The following ARHGAP25 variants were observed in gnomAD, a reference collection of about 807,000 sequenced individuals.
The protein encoded by ARHGAP25 is Rho GTPase activating protein 25, also known as rho GTPase-activating protein 25.
A neutral mutation model predicts 71.0 loss-of-function variants in ARHGAP25; 34 were observed. That is an observed-to-expected ratio of 0.48 (90% CI 0.36 to 0.64). ARHGAP25 has a LOEUF of 0.64. Ranked by LOEUF, ARHGAP25 falls within the 30% of genes least tolerant of loss-of-function variation. ARHGAP25 has a pLI of 0.00. For synonymous variants in ARHGAP25, 282 were observed against 296.5 expected, an observed-to-expected ratio of 0.95 and a Z score of 0.50; for missense variants, 706 against 805.1, an observed-to-expected ratio of 0.88 and a Z score of 1.49.
chr2:68,761,168 G>A (rs1676792669), intron 1 of ARHGAP25, among the ~76,000 whole-genome samples: 1 of 151,956 alleles, frequency 6.6e-6, no homozygotes, highest in East Asian at 1.9e-4. Flanking sequence ...ATGATGCTAG[G>A]AAAACTGGAT....
At chr2:68,737,910 G>A (rs765541418) in intron 1 of ARHGAP25, among the ~76,000 whole-genome samples, 2 of 152,126 alleles carry the variant, frequency 1.3e-5, no homozygotes, top group African/African-American at 4.8e-5. Context: ...CGAGGGGAGG[G>A]ACTCTCCACT....
intron 1 of ARHGAP25, among the ~76,000 whole-genome samples, chr2:68,753,801 T>C (rs542060533): frequency 2.0e-5 from 3 of 152,294 alleles, no homozygotes; most frequent in Non-Finnish European, 2.9e-5. Context: ...GTGGAAACAT[T>C]TGAAGGTCAG....
intron 1 of ARHGAP25, among the ~76,000 whole-genome samples, chr2:68,757,236 G>T (rs755831257): frequency 6.6e-6 from 1 of 151,998 alleles, no homozygotes; most frequent in Admixed American, 6.6e-5. Flanking sequence ...AGAGAGAAGG[G>T]TGCAGAGAGA....
chr2:68,818,052 C>G, intron 8 of ARHGAP25, 58 bp downstream of exon 8: 15 of 1,600,858 alleles, frequency 9.4e-6, no homozygotes, highest in Admixed American at 1.7e-5. Context: ...ACAACATTCC[C>G]CCTGATATTT....
intron 2 of ARHGAP25, among the ~76,000 whole-genome samples, chr2:68,778,104 G>A (rs570536074): frequency 6.6e-6 from 1 of 152,206 alleles, no homozygotes; most frequent in Non-Finnish European, 1.5e-5. Context: ...AATTTGGGCT[G>A]ATGTTTATAC....
intron 4 of ARHGAP25, among the ~76,000 whole-genome samples, 197 bp from the exon 5 acceptor site, chr2:68,807,076 A>C (rs1379072138): frequency 6.6e-6 from 1 of 152,224 alleles, no homozygotes; most frequent in Non-Finnish European, 1.5e-5. Flanking sequence ...CAATATAAAA[A>C]GACTGATAAA....
chr2:68,746,076 G>T (rs1675793319), intron 1 of ARHGAP25, among the ~76,000 whole-genome samples: 1 of 152,174 alleles, frequency 6.6e-6, no homozygotes, highest in Non-Finnish European at 1.5e-5. Context: ...GTTTCAACAT[G>T]AATTTTGGAG....
chr2:68,783,437 C>T (rs1300950866), intron 3 of ARHGAP25, among the ~76,000 whole-genome samples: 17 of 151,356 alleles, frequency 1.1e-4, no homozygotes, highest in Admixed American at 1.1e-3. Context: ...TAGATGCTTG[C>T]TTGTTTGTTT....
At chr2:68,805,992 T>C (rs996865916) in intron 4 of ARHGAP25, among the ~76,000 whole-genome samples, 3 of 152,200 alleles carry the variant, frequency 2.0e-5, no homozygotes, top group Admixed American at 2.0e-4. Flanking sequence ...TGTAAATTTG[T>C]CTTCTCACAC....
intron 7 of ARHGAP25, chr2:68,816,594 G>C: frequency 1.9e-6 from 1 of 518,318 alleles, no homozygotes; most frequent in Non-Finnish European, 3.5e-6. Flanking sequence ...CCTCAGCACT[G>C]CCCAGAGTCC....
At chr2:68,818,144 C>A in intron 8 of ARHGAP25, 150 bp downstream of exon 8, 1 of 1,127,644 alleles carries the variant, frequency 8.9e-7, no homozygotes, top group Non-Finnish European at 1.3e-6. Context: ...GTGAGGTAGG[C>A]AGGGCAGGAA....
At chr2:68,786,054 C>T (rs1048414157) in intron 3 of ARHGAP25, among the ~76,000 whole-genome samples, 8 of 152,296 alleles carry the variant, frequency 5.3e-5, no homozygotes, top group Non-Finnish European at 1.2e-4. Context: ...TATCATCAAG[C>T]TTCACATTAT....
chr2:68,732,465 C>T (rs867120985), upstream of ARHGAP25, among the ~76,000 whole-genome samples: 1 of 152,214 alleles, frequency 6.6e-6, no homozygotes, highest in African/African-American at 2.4e-5. Flanking sequence ...CTCTCACACC[C>T]GCTTAATTAA....
chr2:68,815,066 G>A (rs1460257186), intron 6 of ARHGAP25, among the ~76,000 whole-genome samples: 1 of 152,244 alleles, frequency 6.6e-6, no homozygotes, highest in Non-Finnish European at 1.5e-5. Context: ...GCAGCTAGAT[G>A]CTGTTCTGAC....
At chr2:68,819,517 AG>A (rs779055044) in intron 9 of ARHGAP25, 198 bp downstream of exon 9, 4 of 709,884 alleles carry the variant, frequency 5.6e-6, no homozygotes, top group Non-Finnish European at 1.0e-5. Context: ...GGCATCTTTG[AG>A]GGGGGTGAGT....
intron 2 of ARHGAP25, among the ~76,000 whole-genome samples, chr2:68,711,360 T>C (rs561110180): frequency 6.6e-6 from 1 of 152,114 alleles, no homozygotes; most frequent in Non-Finnish European, 1.5e-5. Flanking sequence ...GCCAACCTCA[T>C]TATGATGATT....
At chr2:68,821,030 T>G (rs1290550994) in intron 9 of ARHGAP25, among the ~76,000 whole-genome samples, 1 of 152,012 alleles carries the variant, frequency 6.6e-6, no homozygotes, top group Non-Finnish European at 1.5e-5. Flanking sequence ...TAGTGTCCCA[T>G]TCTGTAGATG....
chr2:68,771,555 T>C (rs35802033), intron 1 of ARHGAP25, among the ~76,000 whole-genome samples: 23,223 of 152,134 alleles, frequency 0.15, 1,888 homozygotes, highest in African/African-American at 0.19. Flanking sequence ...GCCCCCAGAC[T>C]TTCTTCTCTG....
In ARHGAP25 at chr2:68,826,095, G is replaced by T; in HGVS notation, c.1842G>T (p.Met614Ile). 1 of 1,614,144 alleles carries T rather than the reference G, an allele frequency of 6.2e-7. No homozygotes were observed. Among genetic ancestry groups the T allele is most frequent in the Non-Finnish European group, 8.5e-7 (1 of 1,180,016 alleles). Residue 614 changes from methionine to isoleucine, a missense_variant, in exon 11 of 11, where the codon ATG becomes ATT. Transcript: ENST00000409202. ...CCCTAGAGATCAGCCTCCGCAACAT[G>T]GAGCGCTCCCGGGAGGATGTTGAGA... ...SAALEISLRNMERSREDVEKR... is the reference protein window; with the variant it reads ...SAALEISLRNIERSREDVEKR...
Sources: gnomAD v4.1 joint callset for allele counts (sites outside exome capture counted in the v4.1 genomes callset) on GRCh38, gnomAD v4.1.1 for gene constraint, MANE v1.5 for transcripts, NCBI Gene and HGNC (gene_info 2026-07-23, HGNC 2026-07-21) for gene names.